The following LHFPL2 variants were observed in gnomAD, a reference collection of about 807,000 sequenced individuals.
LHFPL2 encodes the protein LHFPL tetraspan subfamily member 2 protein.
LHFPL2 carries 7 observed loss-of-function variants against 17.5 expected under a neutral mutation model. The observed-to-expected ratio is 0.40, with a 90% CI of 0.23 to 0.75. The LOEUF is 0.75. Ranked by LOEUF, LHFPL2 falls within the 30% of genes least tolerant of loss-of-function variation. The probability of loss-of-function intolerance (pLI) is 0.37; values close to 1 mark genes in which losing one functional copy is unlikely to be tolerated. For missense variants in LHFPL2, 241 were observed against 294.8 expected (o/e 0.82, Z 1.34); for synonymous variants, 134 against 116.2 (o/e 1.15, Z -0.99).
chr5:78,635,379 G>A (rs951940342), intron 1 of LHFPL2, among the ~76,000 whole-genome samples: 2 of 152,102 alleles, frequency 1.3e-5, no homozygotes, highest in Non-Finnish European at 2.9e-5. Flanking sequence ...CACTCCCACC[G>A]CCCCCTCTTC....
Position 78,584,996 on chromosome 5 carries a change from T to G in LHFPL2, c.-244-20125A>C, listed in dbSNP as rs1376249702. Reference sequence around the variant, plus strand: ...GGATATAATCTCCTGGTGCGCTGTGTTTTTTTTTTTTTTTTTTTTTTTTTT... The same window carrying G: ...GGATATAATCTCCTGGTGCGCTGTGGTTTTTTTTTTTTTTTTTTTTTTTTT... On this transcript the variant is annotated intron_variant, in intron 2 of 4. Coordinates refer to ENST00000380345, the MANE Select transcript of LHFPL2 (RefSeq NM_005779.3). 2.3e-4 allele frequency among the ~76,000 whole-genome samples: 12 copies of G among 51,304 alleles called. 1 individual carries two copies. The East Asian group carries it at 3.8e-3, about 16-fold the overall frequency. The allele number at this position is 51,304 out of a possible 152,430, so 33.7% of individuals were successfully genotyped here. A position where few individuals can be genotyped will look rare whatever the true frequency, so the allele number is the denominator to read the frequency against.
intron 2 of LHFPL2, among the ~76,000 whole-genome samples, chr5:78,622,443 C>T (rs1744887359): frequency 6.6e-6 from 1 of 152,206 alleles, no homozygotes; most frequent in Non-Finnish European, 1.5e-5. Context: ...CCCCATCTTG[C>T]AGATGAGAAG....
rs879911121 is a variant in LHFPL2 at position 78,648,662 on chromosome 5, AG to A, written c.-514del. On this transcript the variant is annotated 5_prime_UTR_variant, in exon 1 of 5. Coordinates refer to ENST00000380345, the MANE Select transcript of LHFPL2 (RefSeq NM_005779.3). This position sits in a 1 kb window ranked among gnomAD's most constrained non-coding sequence, Gnocchi z 5.4. Reference sequence around the variant, plus strand: ...GGAGAGCGGGAGGAGGCGGCGGGAGAGGGGGGCAACGCAAGGGAGGGGAGAG... The same window carrying A: ...GGAGAGCGGGAGGAGGCGGCGGGAGAGGGGGCAACGCAAGGGAGGGGAGAG... The A allele has an allele frequency of 1.0e-4, 15 of 149,666 alleles. No individual in the cohort carries two copies. The highest frequency in any genetic ancestry group is 1.8e-4 in the Non-Finnish European group (12 of 67,480). 9.3% of individuals were successfully genotyped at this position (149,666 alleles called of 1,614,324 possible).
chr5:78,633,371 T>C (rs372664790), intron 1 of LHFPL2, among the ~76,000 whole-genome samples: 19 of 152,298 alleles, frequency 1.2e-4, no homozygotes, highest in African/African-American at 4.6e-4. Flanking sequence ...TCTGCCTGCC[T>C]CAACACACCC....
chr5:78,602,628 C>A (rs1315612027), intron 2 of LHFPL2, among the ~76,000 whole-genome samples: 1 of 152,138 alleles, frequency 6.6e-6, no homozygotes, highest in Non-Finnish European at 1.5e-5. Context: ...AATCTGAGAA[C>A]TTATCCTGGG....
At chr5:78,516,534 G>A (rs1328823625) in intron 3 of LHFPL2, among the ~76,000 whole-genome samples, 2 of 152,264 alleles carry the variant, frequency 1.3e-5, no homozygotes, top group Non-Finnish European at 1.5e-5. Context: ...TGTCAGTATC[G>A]TCAATGTTGA....
At chr5:78,524,453 G>C (rs1182897891) in intron 3 of LHFPL2, among the ~76,000 whole-genome samples, 1 of 152,174 alleles carries the variant, frequency 6.6e-6, no homozygotes, top group Admixed American at 6.5e-5. Context: ...AGAATTGTTA[G>C]ATATCCGGCC....
At chr5:78,575,132 A>G (rs957251881) in intron 2 of LHFPL2, among the ~76,000 whole-genome samples, 2 of 152,230 alleles carry the variant, frequency 1.3e-5, no homozygotes, top group African/African-American at 4.8e-5. Context: ...ACGTGGCAAG[A>G]AGGAGGCTGC....
At chr5:78,589,024 T>A (rs148748925) in intron 2 of LHFPL2, among the ~76,000 whole-genome samples, 1 of 152,330 alleles carries the variant, frequency 6.6e-6, no homozygotes, top group East Asian at 1.9e-4. Flanking sequence ...GGTTTTATTA[T>A]CCCCTTTTTC....
At chr5:78,595,539 G>A (rs933390637) in intron 2 of LHFPL2, among the ~76,000 whole-genome samples, 1 of 152,034 alleles carries the variant, frequency 6.6e-6, no homozygotes, top group Non-Finnish European at 1.5e-5. Context: ...TTTAGACAGG[G>A]TCTCACTCTG....
chr5:78,526,308 T>C (rs1383430819), intron 3 of LHFPL2, among the ~76,000 whole-genome samples: 1 of 152,200 alleles, frequency 6.6e-6, no homozygotes, highest in Non-Finnish European at 1.5e-5. Flanking sequence ...AGTGACTTTT[T>C]CCGGTAGCTG....
intron 2 of LHFPL2, among the ~76,000 whole-genome samples, chr5:78,600,082 G>C (rs1743960591): frequency 6.6e-6 from 1 of 152,036 alleles, no homozygotes; most frequent in Admixed American, 6.6e-5. Context: ...TCAAACAACA[G>C]CTTATTCATG....
At chr5:78,572,961 T>C (rs1757040982) in intron 2 of LHFPL2, among the ~76,000 whole-genome samples, 1 of 152,198 alleles carries the variant, frequency 6.6e-6, no homozygotes. Flanking sequence ...TGTGCTCCTA[T>C]GAGAATCTAA....
chr5:78,523,606 G>A (rs1755527567), intron 3 of LHFPL2, among the ~76,000 whole-genome samples: 1 of 152,192 alleles, frequency 6.6e-6, no homozygotes, highest in Admixed American at 6.5e-5. Context: ...GAAGGCAAGG[G>A]CGAGGACAGA....
intron 4 of LHFPL2, chr5:78,494,518 T>C: frequency 1.0e-6 from 1 of 985,406 alleles, no homozygotes; most frequent in Non-Finnish European, 1.2e-6. Flanking sequence ...GGGGATCACA[T>C]GATTCAACCT....
chr5:78,490,746 C>CAAAAAAAAAAAAAAAA lies in LHFPL2; in HGVS notation c.431-1609_431-1594dup, dbSNP rs370809060. ...CTGGCAAAAGAGTGAGACTCCCTCT[C>CAAAAAAAAAAAAAAAA]AAAAAAAAAAAAAAAAAAGCAAGAT... On this transcript the variant is annotated intron_variant, in intron 4 of 4. Coordinates refer to ENST00000380345, the MANE Select transcript of LHFPL2 (RefSeq NM_005779.3). Among the ~76,000 whole-genome samples, 46 of 92,122 alleles carry CAAAAAAAAAAAAAAAA rather than the reference C, an allele frequency of 5.0e-4. 2 individuals carry two copies. The highest frequency in any genetic ancestry group is 2.1e-3 in the African/African-American group (44 of 20,596). 60.4% of individuals were successfully genotyped at this position (92,122 alleles called of 152,430 possible).
chr5:78,560,251 A>C (rs1157007471), intron 3 of LHFPL2, among the ~76,000 whole-genome samples: 1 of 152,248 alleles, frequency 6.6e-6, no homozygotes, highest in Non-Finnish European at 1.5e-5. Context: ...CTAGGGCATC[A>C]ATGTGAAACA....
intron 2 of LHFPL2, among the ~76,000 whole-genome samples, chr5:78,617,197 T>A (rs1378503714): frequency 3.3e-5 from 5 of 151,896 alleles, no homozygotes; most frequent in Non-Finnish European, 7.4e-5. Flanking sequence ...CCCAGATAAT[T>A]TTTTGTATTT....
Position 78,510,118 on chromosome 5 carries a change from G to A in LHFPL2, c.96C>T (p.Asp32=). Residue 32 remains aspartate, a synonymous_variant, in exon 4 of 5, where the codon GAC becomes GAT. Coordinates refer to ENST00000380345, the MANE Select transcript of LHFPL2 (RefSeq NM_005779.3). ...FAELIAFMSA[D]WLIGKARSRG... ...GGCTCCTCGCTTTCCCGATCAGCCAGTCTGCACTCATGAAGGCAATGAGCT... is the reference window on the plus strand; with the variant it reads ...GGCTCCTCGCTTTCCCGATCAGCCAATCTGCACTCATGAAGGCAATGAGCT... 1.9e-6 allele frequency: 3 copies of A among 1,613,340 alleles called. No homozygotes were observed. Among genetic ancestry groups the A allele is most frequent in the Non-Finnish European group, 2.5e-6 (3 of 1,179,560 alleles).
Sources: allele counts gnomAD v4.1 joint callset (sites outside exome capture counted in the v4.1 genomes callset), GRCh38; gene constraint gnomAD v4.1.1; non-coding constraint Gnocchi (gnomAD v3.1); transcripts MANE v1.5; gene names NCBI Gene and HGNC (gene_info 2026-07-23, HGNC 2026-07-21).